EYS: variants seen among roughly 807,000 people sequenced by gnomAD.
EYS encodes the protein EGF-like photoreceptor maintenance factor.
Under a neutral mutation model 282.1 loss-of-function variants are expected in EYS, and 250 were observed. That is an observed-to-expected ratio of 0.89 (90% confidence interval 0.80 to 0.98). EYS has a LOEUF of 0.98. Ranked by LOEUF, EYS falls within the 50% of genes least tolerant of loss-of-function variation. The probability of loss-of-function intolerance (pLI) is 0.00; values close to 1 mark genes in which losing one functional copy is unlikely to be tolerated. For missense variants in EYS, 4,016 were observed against 3,709.0 expected (o/e 1.08, Z -2.15); for synonymous variants, 1,355 against 1,282.9 (o/e 1.06, Z -1.20).
intron 31 of EYS, among the ~76,000 whole-genome samples, chr6:64,168,017 C>T (rs1764349601): frequency 6.6e-6 from 1 of 152,188 alleles, no homozygotes; most frequent in African/African-American, 2.4e-5. Flanking sequence ...AATCGCAGCA[C>T]TTTGGGAGGC....
At chr6:65,068,746 C>T (rs1773821369) in intron 12 of EYS, among the ~76,000 whole-genome samples, 1 of 151,910 alleles carries the variant, frequency 6.6e-6, no homozygotes, top group Non-Finnish European at 1.5e-5. Flanking sequence ...CCAATTTTTA[C>T]TTGTGCTCTG....
chr6:63,996,180 T>C (rs1426835554), intron 34 of EYS, among the ~76,000 whole-genome samples: 1 of 152,042 alleles, frequency 6.6e-6, no homozygotes, highest in East Asian at 1.9e-4. Context: ...TGGTACAACA[T>C]AGATGAACCT....
intron 22 of EYS, among the ~76,000 whole-genome samples, chr6:64,645,880 T>C (rs1768334953): frequency 1.3e-5 from 2 of 152,236 alleles, no homozygotes; most frequent in African/African-American, 2.4e-5. Context: ...AAGGTTAATC[T>C]GTCTCCATTT....
Position 63,864,212 on chromosome 6 carries a change from C to T in EYS, c.7202G>A (p.Gly2401Glu), listed in dbSNP as rs886061670. The T allele has an allele frequency of 6.5e-7, 1 of 1,545,298 alleles. No homozygotes were observed. The highest frequency in any genetic ancestry group is 8.7e-7 in the Non-Finnish European group (1 of 1,143,044). ...GTDIVCLCPY[G>E]RSGPLCTDAI... is the part of the protein sequence containing the mutation. ...ATCAGTGCAGAGGGGTCCAGACCTC[C>T]CATATGGGCAGAGGCAGACAATATC... Residue 2401 changes from glycine (G) to glutamate (E), a missense_variant, in exon 36 of 43, where the codon GGG becomes GAG. Transcript: ENST00000503581.
intron 1 of EYS, among the ~76,000 whole-genome samples, chr6:65,699,060 TA>T (rs1769560077): frequency 6.6e-6 from 1 of 152,210 alleles, no homozygotes; most frequent in Non-Finnish European, 1.5e-5. Context: ...ACTTCCTATA[TA>T]AATATTTCTC....
At chr6:64,311,237 G>T (rs1318338060) in intron 29 of EYS, among the ~76,000 whole-genome samples, 1 of 151,936 alleles carries the variant, frequency 6.6e-6, no homozygotes, top group Non-Finnish European at 1.5e-5. Flanking sequence ...AGGTTAATTA[G>T]GTTTCTGGGA....
At chr6:65,465,188 T>G (rs1411715620) in intron 5 of EYS, among the ~76,000 whole-genome samples, 1 of 151,944 alleles carries the variant, frequency 6.6e-6, no homozygotes, top group Non-Finnish European at 1.5e-5. Context: ...CAGAAACCAG[T>G]TGTGGTGCTT....
intron 1 of EYS, among the ~76,000 whole-genome samples, chr6:65,696,960 T>C (rs16897075): frequency 0.015 from 2,356 of 152,134 alleles, 72 homozygotes; most frequent in African/African-American, 0.053. Context: ...TATTGAATTC[T>C]GTAAGCTTAG....
intron 26 of EYS, among the ~76,000 whole-genome samples, chr6:64,566,364 A>G (rs984638337): frequency 1.3e-5 from 2 of 152,222 alleles, no homozygotes; most frequent in Non-Finnish European, 2.9e-5. Context: ...AAGTTTACAA[A>G]CAGTGCCTCT....
intron 13 of EYS, among the ~76,000 whole-genome samples, chr6:65,046,360 A>T (rs111278935): frequency 6.6e-6 from 1 of 151,896 alleles, no homozygotes; most frequent in Non-Finnish European, 1.5e-5. Flanking sequence ...CAAGTAGCAA[A>T]TCATGAGAGT....
At chr6:64,830,817 T>TC (rs1402813191) in intron 19 of EYS, among the ~76,000 whole-genome samples, 1 of 151,816 alleles carries the variant, frequency 6.6e-6, no homozygotes, top group Admixed American at 6.6e-5. Context: ...GCATTCCAGG[T>TC]CCCCATTCAG....
At chr6:65,242,302 C>T (rs1267704091) in intron 12 of EYS, among the ~76,000 whole-genome samples, 1 of 151,948 alleles carries the variant, frequency 6.6e-6, no homozygotes, top group South Asian at 2.1e-4. Context: ...TCCCCATCTG[C>T]TCTAGGTGAT....
At chr6:63,967,428 T>A (rs369363034) in intron 35 of EYS, among the ~76,000 whole-genome samples, 23 of 152,192 alleles carry the variant, frequency 1.5e-4, no homozygotes, top group African/African-American at 5.1e-4. Flanking sequence ...ATAGAATATA[T>A]TTTTAAAACT....
intron 5 of EYS, 40 bp from the exon 6 acceptor site, chr6:65,405,407 G>A: frequency 1.3e-6 from 2 of 1,497,264 alleles, no homozygotes; most frequent in Non-Finnish European, 1.8e-6. Flanking sequence ...AGAAAAGGAA[G>A]GAAGGAAAGA....
At chr6:64,684,078 G>A (rs964151773) in intron 22 of EYS, among the ~76,000 whole-genome samples, 4 of 152,022 alleles carry the variant, frequency 2.6e-5, no homozygotes, top group East Asian at 3.9e-4. Context: ...CTTCACCTTC[G>A]TTTCAGAGCC....
At chr6:64,313,158 C>A (rs1206793466) in intron 29 of EYS, among the ~76,000 whole-genome samples, 1 of 152,186 alleles carries the variant, frequency 6.6e-6, no homozygotes, top group Non-Finnish European at 1.5e-5. Context: ...GAATTGCTAA[C>A]TAGAATAACC....
chr6:64,971,729 G>GATC (rs1456887671), intron 14 of EYS, among the ~76,000 whole-genome samples: 4 of 152,062 alleles, frequency 2.6e-5, no homozygotes, highest in African/African-American at 9.7e-5. Flanking sequence ...CTACATAGGG[G>GATC]ATCATAAGAA....
chr6:64,002,700 T>C (rs527613688), intron 33 of EYS, among the ~76,000 whole-genome samples: 1 of 152,214 alleles, frequency 6.6e-6, no homozygotes, highest in East Asian at 1.9e-4. Context: ...GGAATGAAGA[T>C]GATTTTGTGT....
At chr6:64,851,702 A>G (rs1261317237) in intron 19 of EYS, among the ~76,000 whole-genome samples, 1 of 152,124 alleles carries the variant, frequency 6.6e-6, no homozygotes, top group East Asian at 1.9e-4. Flanking sequence ...CAGAAACAGA[A>G]ACCAAATATT....
Sources: allele counts gnomAD v4.1 joint callset (sites outside exome capture counted in the v4.1 genomes callset), GRCh38; gene constraint gnomAD v4.1.1; transcripts MANE v1.5; gene names NCBI Gene and HGNC (gene_info 2026-07-23, HGNC 2026-07-21).